LRRC40: variants seen among roughly 807,000 people sequenced by gnomAD.
LRRC40 encodes leucine rich repeat containing 40, also known as leucine-rich repeat-containing protein 40.
In LRRC40, 76 loss-of-function variants were observed where a neutral mutation model predicts 72.8. That is an observed-to-expected ratio of 1.04 (90% CI 0.87 to 1.26). The LOEUF is 1.26. Ranked by LOEUF, LRRC40 falls within the 50% of genes most tolerant of loss-of-function variation. LRRC40 has a pLI of 0.00. For synonymous variants in LRRC40, 243 were observed against 254.2 expected (o/e 0.96, Z 0.42); for missense variants, 684 against 698.9 (o/e 0.98, Z 0.24).
At chr1:70,160,181 A>G (rs2100252779) in intron 9 of LRRC40, among the ~76,000 whole-genome samples, 1 of 152,322 alleles carries the variant, frequency 6.6e-6, no homozygotes, top group East Asian at 1.9e-4. Flanking sequence ...CTTTTCAACA[A>G]TGTGAAAACG....
intron 9 of LRRC40, among the ~76,000 whole-genome samples, chr1:70,173,258 C>A (rs1347424959): frequency 6.6e-6 from 1 of 151,938 alleles, no homozygotes. Flanking sequence ...AAAGGGATTA[C>A]AGATAGTACA....
At chr1:70,164,165 CG>C (rs1398856628) in intron 9 of LRRC40, among the ~76,000 whole-genome samples, 1 of 151,874 alleles carries the variant, frequency 6.6e-6, no homozygotes, top group Non-Finnish European at 1.5e-5. Context: ...CCGAGGCGGG[CG>C]GATCACCTGA....
At chr1:70,150,498 C>G (rs899562097) in intron 13 of LRRC40, among the ~76,000 whole-genome samples, 1 of 152,138 alleles carries the variant, frequency 6.6e-6, no homozygotes, top group Admixed American at 6.5e-5. Context: ...AATAAGCTCC[C>G]AATAAATATT....
chr1:70,171,798 G>C (rs1424055410), intron 9 of LRRC40, among the ~76,000 whole-genome samples: 1 of 152,052 alleles, frequency 6.6e-6, no homozygotes, highest in Non-Finnish European at 1.5e-5. Context: ...TTCTTCAAAT[G>C]ATTAAACATA....
Position 70,189,159 on chromosome 1 carries a change from A to G in LRRC40, c.266T>C (p.Ile89Thr), listed in dbSNP as rs752350748. The G allele has an allele frequency of 1.2e-6, 2 of 1,613,936 alleles. No individual in the cohort carries two copies. The highest frequency in any genetic ancestry group is 2.2e-5 in the South Asian group (2 of 91,086). ...AAGTGACTGAAGTTTATTGTTTGAT[A>G]TTATTAGTTTGGTCAAATCTGTCTG... ...WEQTDLTKLI[I>T]SNNKLQSLTD... The change falls in exon 2 of 15, where the codon ATA (isoleucine) becomes ACA (threonine). Residue 89 changes from isoleucine to threonine, a missense_variant. Transcript: ENST00000370952.
intron 11 of LRRC40, among the ~76,000 whole-genome samples, chr1:70,152,993 G>A (rs939142895): frequency 3.9e-5 from 6 of 152,118 alleles, no homozygotes; most frequent in Non-Finnish European, 7.3e-5. Flanking sequence ...ACTTAAAGAG[G>A]AAGAATTAAA....
intron 1 of LRRC40, among the ~76,000 whole-genome samples, chr1:70,194,384 T>C (rs1668564561): frequency 6.6e-6 from 1 of 152,060 alleles, no homozygotes; most frequent in Admixed American, 6.5e-5. Context: ...GTACAAAATA[T>C]GTACAAGATC....
chr1:70,194,976 G>A (rs1329773877), intron 1 of LRRC40, among the ~76,000 whole-genome samples: 1 of 152,048 alleles, frequency 6.6e-6, no homozygotes, highest in East Asian at 1.9e-4. Context: ...AAGGAATCAT[G>A]TTTTCAACAA....
At chr1:70,187,785 TG>T (rs1668397891) in intron 2 of LRRC40, among the ~76,000 whole-genome samples, 1 of 150,540 alleles carries the variant, frequency 6.6e-6, no homozygotes, top group Admixed American at 6.6e-5. Context: ...GAGCCCACAT[TG>T]TGCCACTGCA....
intron 9 of LRRC40, among the ~76,000 whole-genome samples, chr1:70,164,367 G>A (rs1667833702): frequency 6.6e-6 from 1 of 151,912 alleles, no homozygotes; most frequent in South Asian, 2.1e-4. Context: ...TCCAACCTGG[G>A]CAACGAGAGC....
chr1:70,178,774 G>A, intron 6 of LRRC40, 77 bp downstream of exon 6: 1 of 925,312 alleles, frequency 1.1e-6, no homozygotes, highest in Non-Finnish European at 1.6e-6. Flanking sequence ...TGTAAAACAA[G>A]ATTAGCTCCT....
At chr1:70,189,318 A>C (rs1433987137) in intron 1 of LRRC40, 45 bp from the exon 2 acceptor site, 7 of 1,337,030 alleles carry the variant, frequency 5.2e-6, no homozygotes, top group Non-Finnish European at 7.0e-6. Flanking sequence ...AAAAAAAAAA[A>C]AGATGAAAAC....
At chr1:70,192,271 G>A (rs1053251275) in intron 1 of LRRC40, among the ~76,000 whole-genome samples, 3 of 151,904 alleles carry the variant, frequency 2.0e-5, no homozygotes, top group Non-Finnish European at 4.4e-5. Context: ...CCTCTGCTTG[G>A]CTGTTGTTGG....
intron 1 of LRRC40, 21 bp downstream of exon 1, chr1:70,205,369 G>T (rs779131958): frequency 1.9e-6 from 3 of 1,562,158 alleles, no homozygotes; most frequent in South Asian, 1.2e-5. Flanking sequence ...GACACAATAG[G>T]GTCGTACCTC....
At chr1:70,152,653 G>A in intron 11 of LRRC40, 110 bp from the exon 12 acceptor site, 1 of 669,292 alleles carries the variant, frequency 1.5e-6, no homozygotes, top group Non-Finnish European at 2.7e-6. Context: ...TGCTAATTAT[G>A]ACTTTTTGTA....
At chr1:70,148,288 A>C (rs1667366399) in intron 14 of LRRC40, among the ~76,000 whole-genome samples, 199 bp downstream of exon 14, 1 of 152,180 alleles carries the variant, frequency 6.6e-6, no homozygotes, top group South Asian at 2.1e-4. Flanking sequence ...CACATATACC[A>C]TATAAGCAAA....
intron 11 of LRRC40, among the ~76,000 whole-genome samples, chr1:70,154,211 A>C (rs1667585194): frequency 6.6e-6 from 1 of 152,186 alleles, no homozygotes; most frequent in African/African-American, 2.4e-5. Context: ...GTGGTTTGGG[A>C]ACTTTCTAGA....
chr1:70,171,807 TAG>T (rs1463253968), intron 9 of LRRC40, among the ~76,000 whole-genome samples: 1 of 152,140 alleles, frequency 6.6e-6, no homozygotes, highest in Non-Finnish European at 1.5e-5. Context: ...TGATTAAACA[TAG>T]AGTTATCATA....
At chr1:70,165,586 C>T (rs879245364) in intron 9 of LRRC40, among the ~76,000 whole-genome samples, 2 of 152,008 alleles carry the variant, frequency 1.3e-5, no homozygotes, top group African/African-American at 4.8e-5. Context: ...ATCAAATGAT[C>T]GGCACTGTTT....
Sources: allele counts gnomAD v4.1 joint callset (sites outside exome capture counted in the v4.1 genomes callset), GRCh38; gene constraint gnomAD v4.1.1; transcripts MANE v1.5; gene names NCBI Gene and HGNC (gene_info 2026-07-23, HGNC 2026-07-21).